Variants in OR6F1 observed in about 807,000 individuals in gnomAD.
OR6F1 encodes the protein olfactory receptor 6F1.
For missense variants in OR6F1, 346 were observed against 376.0 expected, an observed-to-expected ratio of 0.92 and a Z score of 0.66; for synonymous variants, 144 against 150.0, an observed-to-expected ratio of 0.96 and a Z score of 0.29.
chr1:247,713,157 T>C (rs552352821), intron 2 of OR6F1, among the ~76,000 whole-genome samples: 1 of 152,336 alleles, frequency 6.6e-6, no homozygotes, highest in South Asian at 2.1e-4. Flanking sequence ...CTGAATTTAC[T>C]ACATTTTAAC....
intron 2 of OR6F1, among the ~76,000 whole-genome samples, chr1:247,713,353 A>G (rs1660047396): frequency 6.6e-6 from 1 of 151,808 alleles, no homozygotes; most frequent in South Asian, 2.1e-4. Context: ...AATTAGTTTC[A>G]AAATGAGTTT....
rs1660058819 is a variant in OR6F1, at chr1:247,713,952, C to T, written c.-124G>A. The T allele has an allele frequency of 2.5e-6, 1 of 398,588 alleles. No individual in the cohort carries two copies. The highest frequency in any genetic ancestry group is 4.4e-6 in the Non-Finnish European group (1 of 226,052). The allele number at this position is 398,588 out of a possible 1,614,324, so 24.7% of individuals were successfully genotyped here. Reference sequence around the variant, plus strand: ...CTCAAGCTCTAATGGGCACATGAATCACCTAAGGGTATTGCCAAAATGCAA... The same window carrying T: ...CTCAAGCTCTAATGGGCACATGAATTACCTAAGGGTATTGCCAAAATGCAA... On this transcript the variant is annotated splice_region_variant and 5_prime_UTR_variant, in exon 2 of 3. An upstream open reading frame in the 5' UTR loses its in-frame stop. Coordinates refer to ENST00000641470, the MANE Select transcript of OR6F1 (RefSeq NM_001005286.2).
At chr1:247,714,928 A>AT (rs200611254) in intron 1 of OR6F1, among the ~76,000 whole-genome samples, 13 of 151,488 alleles carry the variant, frequency 8.6e-5, no homozygotes, top group East Asian at 3.9e-4. Flanking sequence ...GGTATAATCC[A>AT]TTTTTTTTTC....
chr1:247,712,295 A>G lies in OR6F1; in HGVS notation c.461T>C (p.Val154Ala). The G allele has an allele frequency of 1.9e-6, 3 of 1,614,198 alleles. No individual in the cohort carries two copies. The highest frequency in any genetic ancestry group is 2.7e-5 in the African/African-American group (2 of 75,072). ...LALGSWVCGF[V>A]AIAVPTALIS... ...GAGGGCTGTGGGCACTGCAATGGCCACGAAACCACACACCCAGGAGCCCAG... is the reference window on the plus strand; with the variant it reads ...GAGGGCTGTGGGCACTGCAATGGCCGCGAAACCACACACCCAGGAGCCCAG... The change falls in exon 3 of 3, where the codon GTG becomes GCG. Residue 154 changes from valine (V) to alanine (A), a missense_variant. Coordinates refer to ENST00000641470, the MANE Select transcript of OR6F1 (RefSeq NM_001005286.2).
At chr1:247,714,649 GA>G (rs1486848087) in intron 1 of OR6F1, among the ~76,000 whole-genome samples, 1 of 151,934 alleles carries the variant, frequency 6.6e-6, no homozygotes, top group African/African-American at 2.4e-5. Context: ...TGGGAAGAAG[GA>G]AAATATTTTT....
chr1:247,712,758 TG>T lies in OR6F1; in HGVS notation c.-4del. On this transcript the variant is annotated 5_prime_UTR_variant, in exon 3 of 3. Transcript: ENST00000641470. Reference sequence around the variant, plus strand: ...AGAGTTTTGTTGCCTGTGTCCATTGTGGTACTGAAACCAGAAAACAGAGTCC... The same window carrying T: ...AGAGTTTTGTTGCCTGTGTCCATTGTGTACTGAAACCAGAAAACAGAGTCC... 6.3e-7 allele frequency: 1 copy of T among 1,589,658 alleles called. No individual in the cohort carries two copies. Among genetic ancestry groups the T allele is most frequent in the Non-Finnish European group, 8.5e-7 (1 of 1,171,052 alleles).
chr1:247,712,308 C>T lies in OR6F1; in HGVS notation c.448G>A (p.Val150Met), dbSNP rs113882491. 6.2e-7 allele frequency: 1 copy of T among 1,614,150 alleles called. No individual in the cohort carries two copies. Among genetic ancestry groups the T allele is most frequent in the Non-Finnish European group, 8.5e-7 (1 of 1,179,996 alleles). ...ACTGCAATGGCCACGAAACCACACA[C>T]CCAGGAGCCCAGGGCCAGCTGCGCT... ...LSAQLALGSW[V>M]CGFVAIAVPT... The change falls in exon 3 of 3, where the codon GTG becomes ATG. Residue 150 changes from valine (V) to methionine (M), a missense_variant. Coordinates refer to ENST00000641470, the MANE Select transcript of OR6F1 (RefSeq NM_001005286.2).
intron 1 of OR6F1, among the ~76,000 whole-genome samples, chr1:247,716,067 A>G (rs1309066779): frequency 6.6e-6 from 1 of 152,112 alleles, no homozygotes; most frequent in Non-Finnish European, 1.5e-5. Context: ...AGCCTGGGTG[A>G]CATGGTGAAA....
chr1:247,715,972 G>T (rs998585224), intron 1 of OR6F1, among the ~76,000 whole-genome samples: 5 of 152,126 alleles, frequency 3.3e-5, no homozygotes, highest in African/African-American at 1.2e-4. Context: ...TTACCCATCT[G>T]GCGGACGTGG....
intron 1 of OR6F1, among the ~76,000 whole-genome samples, chr1:247,715,131 A>G (rs1660083105): frequency 6.6e-6 from 1 of 152,244 alleles, no homozygotes. Flanking sequence ...AAGTGGAGCC[A>G]TGACTGTCAA....
chr1:247,712,315 G>T lies in OR6F1; in HGVS notation c.441C>A (p.Gly147=), dbSNP rs1660021794. 1 of 1,614,116 alleles carries T rather than the reference G, an allele frequency of 6.2e-7. No individual in the cohort carries two copies. Among genetic ancestry groups the T allele is most frequent in the Non-Finnish European group, 8.5e-7 (1 of 1,179,952 alleles). ...SSLLSAQLAL[G]SWVCGFVAIA... ...TGGCCACGAAACCACACACCCAGGAGCCCAGGGCCAGCTGCGCTGAGAGCA... is the reference window on the plus strand; with the variant it reads ...TGGCCACGAAACCACACACCCAGGATCCCAGGGCCAGCTGCGCTGAGAGCA... The change falls in exon 3 of 3, where the codon GGC becomes GGA. Residue 147 remains glycine (G), a synonymous_variant. Transcript: ENST00000641470.
At chr1:247,715,846 C>G (rs1036952075) in intron 1 of OR6F1, among the ~76,000 whole-genome samples, 3 of 151,954 alleles carry the variant, frequency 2.0e-5, no homozygotes, top group Non-Finnish European at 4.4e-5. Context: ...TAGAAACATG[C>G]ACTATCTTAT....
rs1311934286 is a variant in OR6F1 at position 247,716,588 on chromosome 1, G to T, written c.-384C>A. The T allele has an allele frequency of 2.0e-5, 3 of 151,788 alleles. No individual in the cohort carries two copies. Among genetic ancestry groups the T allele is most frequent in the Non-Finnish European group, 4.4e-5 (3 of 67,958 alleles). 9.4% of individuals were successfully genotyped at this position (151,788 alleles called of 1,614,324 possible). On this transcript the variant is annotated 5_prime_UTR_variant, in exon 1 of 3. Coordinates refer to ENST00000641470, the MANE Select transcript of OR6F1 (RefSeq NM_001005286.2). ...GCTCAGTCTTTTTCTGTTTCCTTTT[G>T]TTCTTATGCTCTGACCCCATTCTGT... is the stretch of plus-strand genomic sequence containing the variant.
intron 1 of OR6F1, among the ~76,000 whole-genome samples, chr1:247,715,492 T>C (rs192140689): frequency 1.3e-5 from 2 of 152,332 alleles, no homozygotes; most frequent in East Asian, 1.9e-4. Context: ...TCAGATGCCA[T>C]GACCTAATAT....
In OR6F1 at chr1:247,711,778, CT is replaced by C. The variant is rs1427281887; in HGVS notation, c.*50del. 1.5e-5 allele frequency: 19 copies of C among 1,227,500 alleles called. No homozygotes were observed. Among genetic ancestry groups the C allele is most frequent in the Non-Finnish European group, 1.9e-5 (16 of 846,910 alleles). The allele number at this position is 1,227,500 out of a possible 1,614,324, so 76.0% of individuals were successfully genotyped here. On this transcript the variant is annotated 3_prime_UTR_variant, in exon 3 of 3. Coordinates refer to ENST00000641470, the MANE Select transcript of OR6F1 (RefSeq NM_001005286.2). The stretch of plus-strand genomic sequence containing the variant: ...TCCTCCACATTCTTACTTGGAACCT[CT>C]GTATAGATGCAGAGACCATTTACAG...
chr1:247,714,730 A>G (rs892764393), intron 1 of OR6F1, among the ~76,000 whole-genome samples: 1 of 152,198 alleles, frequency 6.6e-6, no homozygotes, highest in African/African-American at 2.4e-5. Flanking sequence ...AAAATGCCCT[A>G]GATACTGATG....
Position 247,712,774 on chromosome 1 carries a change from A to G in OR6F1, c.-19T>C, listed in dbSNP as rs1660034281. 2 of 1,511,264 alleles carry G rather than the reference A, an allele frequency of 1.3e-6. No homozygotes were observed. The highest frequency in any genetic ancestry group is 1.7e-5 in the Admixed American group (1 of 58,958). 93.6% of individuals were successfully genotyped at this position (1,511,264 alleles called of 1,614,324 possible). ...TGTCCATTGTGGTACTGAAACCAGA[A>G]AACAGAGTCCCCGCACTGAGCCCTT... On this transcript the variant is annotated 5_prime_UTR_variant, in exon 3 of 3. Transcript: ENST00000641470.
rs1478802995 is a variant in OR6F1, at chr1:247,711,617, A to AT, written c.*211dup. 1 of 448,700 alleles carries AT rather than the reference A, an allele frequency of 2.2e-6. No homozygotes were observed. The highest frequency in any genetic ancestry group is 3.9e-6 in the Non-Finnish European group (1 of 253,996). The allele number at this position is 448,700 out of a possible 1,614,324, so 27.8% of individuals were successfully genotyped here. On this transcript the variant is annotated 3_prime_UTR_variant, in exon 3 of 3. Transcript: ENST00000641470. ...AGCAAACCTAATTCAATGTATAATT[A>AT]TTTTTTGCTTAAAAATCCCATTTGC...
At chr1:247,716,205 A>T (rs1470390704) in intron 1 of OR6F1, 126 bp downstream of exon 1, 1 of 152,288 alleles carries the variant, frequency 6.6e-6, no homozygotes, top group East Asian at 1.9e-4. Context: ...GTGAGCCAGG[A>T]TCGCGCCACT....
Sources: allele counts gnomAD v4.1 joint callset (sites outside exome capture counted in the v4.1 genomes callset), GRCh38; gene constraint gnomAD v4.1.1; transcripts MANE v1.5; gene names NCBI Gene and HGNC (gene_info 2026-07-23, HGNC 2026-07-21).